The following NPAS3 variants were observed in gnomAD, a reference collection of about 807,000 sequenced individuals.
The protein encoded by NPAS3 is neuronal PAS domain protein 3, also known as neuronal PAS domain-containing protein 3.
A neutral mutation model predicts 73.1 loss-of-function variants in NPAS3; 14 were observed. That is an observed-to-expected ratio of 0.19 (90% confidence interval 0.13 to 0.30). NPAS3 has a LOEUF of 0.30. Ranked by LOEUF, NPAS3 falls within the 10% of genes least tolerant of loss-of-function variation. NPAS3 has a pLI of 1.00. For missense variants in NPAS3, 1,096 were observed against 1,250.0 expected (o/e 0.88, Z 1.86); for synonymous variants, 620 against 541.5 (o/e 1.14, Z -2.01).
chr14:33,640,690 A>C (rs1311110815), intron 5 of NPAS3, among the ~76,000 whole-genome samples: 1 of 152,242 alleles, frequency 6.6e-6, no homozygotes, highest in Non-Finnish European at 1.5e-5. Context: ...AAATACTCCC[A>C]GAAACTTTGG....
At chr14:33,722,681 G>A (rs1301860912) in intron 6 of NPAS3, among the ~76,000 whole-genome samples, 1 of 152,102 alleles carries the variant, frequency 6.6e-6, no homozygotes, top group East Asian at 1.9e-4. Context: ...AATTAAAGAT[G>A]TCAAAAATAG....
At chr14:33,024,610 C>T (rs1009983385) in intron 1 of NPAS3, among the ~76,000 whole-genome samples, 6 of 152,108 alleles carry the variant, frequency 3.9e-5, no homozygotes, top group African/African-American at 1.4e-4. Flanking sequence ...GAGGGAAATG[C>T]TTACCGTATA....
At chr14:32,992,018 C>G (rs906053592) in intron 1 of NPAS3, among the ~76,000 whole-genome samples, 2 of 152,198 alleles carry the variant, frequency 1.3e-5, no homozygotes, top group Non-Finnish European at 2.9e-5. Context: ...CTCAAACATT[C>G]TTTTTCAAAA....
intron 5 of NPAS3, chr14:33,578,102 C>T (rs1035355523): frequency 1.5e-5 from 7 of 454,762 alleles, no homozygotes; most frequent in African/African-American, 1.2e-4. Context: ...CGTTACTGCT[C>T]ACAGATCCCT....
In NPAS3 at chr14:33,217,582, G is replaced by T. The variant is rs944917512; in HGVS notation, c.385+2156G>T. ...ACCTGTATTTATTTAACATAACTCA[G>T]AAAATTTTTATTTGTTTACTTTCAT... On this transcript the variant is annotated intron_variant, in intron 3 of 11. Coordinates refer to ENST00000356141, the Ensembl canonical transcript of NPAS3. Among the ~76,000 whole-genome samples the T allele has an allele frequency of 3.9e-5, 6 of 152,168 alleles. No homozygotes were observed. In the East Asian group the frequency reaches 1.2e-3, roughly 29 times the overall value.
intron 4 of NPAS3, among the ~76,000 whole-genome samples, chr14:33,432,501 G>C (rs138041443): frequency 2.6e-3 from 392 of 152,226 alleles, no homozygotes; most frequent in African/African-American, 8.8e-3. Context: ...GGCTGGTTTG[G>C]AATAAATCTT....
downstream of NPAS3, chr14:33,801,281 A>G (rs2063710047): frequency 7.4e-7 from 1 of 1,348,146 alleles, no homozygotes. Context: ...TCTTTCGTGT[A>G]AAGATATGTT....
At chr14:33,522,893 T>G (rs1376562358) in intron 4 of NPAS3, among the ~76,000 whole-genome samples, 2 of 152,154 alleles carry the variant, frequency 1.3e-5, no homozygotes, top group Non-Finnish European at 2.9e-5. Flanking sequence ...CTCATATTCC[T>G]TATCTGAATG....
chr14:33,762,003 A>T (rs1385194049), intron 7 of NPAS3, among the ~76,000 whole-genome samples: 3 of 152,190 alleles, frequency 2.0e-5, no homozygotes, highest in African/African-American at 7.2e-5. Context: ...GCTTCTCCAA[A>T]TTTAAACTCT....
chr14:33,687,172 A>C (rs2060113377), intron 6 of NPAS3, among the ~76,000 whole-genome samples: 1 of 152,240 alleles, frequency 6.6e-6, no homozygotes, highest in Non-Finnish European at 1.5e-5. Context: ...GGAGGTCTTA[A>C]GCTTTCACAC....
At chr14:33,226,836 T>A (rs1018536371) in intron 3 of NPAS3, among the ~76,000 whole-genome samples, 1 of 152,188 alleles carries the variant, frequency 6.6e-6, no homozygotes, top group Non-Finnish European at 1.5e-5. Flanking sequence ...TACGTATAAT[T>A]TTACAGTTTG....
chr14:33,802,442 G>A (rs2063740392), downstream of NPAS3: 1 of 149,672 alleles, frequency 6.7e-6, no homozygotes, highest in Non-Finnish European at 1.5e-5. Flanking sequence ...TGTCTTTGTT[G>A]CCAGAAATCA....
intron 5 of NPAS3, among the ~76,000 whole-genome samples, chr14:33,668,304 G>A (rs1749926502): frequency 6.6e-6 from 1 of 152,138 alleles, no homozygotes; most frequent in South Asian, 2.1e-4. Context: ...AAACACTGAG[G>A]AACGACTAAT....
chr14:33,025,803 G>A (rs886895768), intron 1 of NPAS3, among the ~76,000 whole-genome samples: 4 of 152,112 alleles, frequency 2.6e-5, no homozygotes, highest in African/African-American at 9.7e-5. Flanking sequence ...ATGATTGTAA[G>A]TTTCCTGAGG....
At chr14:33,438,275 C>T (rs2049079775) in intron 4 of NPAS3, among the ~76,000 whole-genome samples, 1 of 152,152 alleles carries the variant, frequency 6.6e-6, no homozygotes, top group Non-Finnish European at 1.5e-5. Flanking sequence ...ACTCTTACCC[C>T]ATTTTTATGT....
At chr14:33,215,909 A>G (rs1344076074) in intron 3 of NPAS3, among the ~76,000 whole-genome samples, 1 of 152,112 alleles carries the variant, frequency 6.6e-6, no homozygotes, top group Admixed American at 6.5e-5. Flanking sequence ...TAGTGTTTCA[A>G]TTTTCTCTAT....
intron 3 of NPAS3, among the ~76,000 whole-genome samples, chr14:33,222,489 C>G (rs1307615179): frequency 5.3e-5 from 8 of 152,180 alleles, no homozygotes; most frequent in Admixed American, 5.2e-4. Context: ...AGATGTCACT[C>G]TCTTGTGCAA....
upstream of NPAS3, among the ~76,000 whole-genome samples, chr14:32,937,440 G>T (rs2139004625): frequency 6.6e-6 from 1 of 152,154 alleles, no homozygotes; most frequent in Non-Finnish European, 1.5e-5. Context: ...CCCCTAGACT[G>T]GGTGTCCTGG....
At chr14:33,790,928 C>T (rs985311189) in intron 9 of NPAS3, among the ~76,000 whole-genome samples, 14 of 152,336 alleles carry the variant, frequency 9.2e-5, no homozygotes, top group Admixed American at 7.2e-4. Context: ...CTTGGCCTCC[C>T]AAACATTATG....
Sources: allele counts gnomAD v4.1 joint callset (sites outside exome capture counted in the v4.1 genomes callset), GRCh38; gene constraint gnomAD v4.1.1; transcripts MANE v1.5; gene names NCBI Gene and HGNC (gene_info 2026-07-23, HGNC 2026-07-21).